The following DRICH1 variants were observed in gnomAD, a reference collection of about 807,000 sequenced individuals.
The protein encoded by DRICH1 is aspartate rich 1.
Under a neutral mutation model 39.5 loss-of-function variants are expected in DRICH1, and 38 were observed. That is an observed-to-expected ratio of 0.96 (90% CI 0.74 to 1.26). The LOEUF (loss-of-function observed/expected upper bound fraction) is 1.26. DRICH1 is among the 50% of genes most tolerant of loss of function. The probability of loss-of-function intolerance (pLI) is 0.00; values close to 1 mark genes in which losing one functional copy is unlikely to be tolerated. For missense variants in DRICH1, 279 were observed against 270.4 expected (o/e 1.03, Z -0.22); for synonymous variants, 84 against 99.5 (o/e 0.84, Z 0.93).
chr22:23,599,280 T>C, the DRICH1 span, among the ~76,000 whole-genome samples: 2 of 152,196 alleles, frequency 1.3e-5, no homozygotes, highest in Non-Finnish European at 2.9e-5. Flanking sequence ...CCCAGCCCAG[T>C]GTGCGTGTTC....
chr22:23,604,326 G>A (rs982530164), downstream of DRICH1, among the ~76,000 whole-genome samples: 3 of 152,118 alleles, frequency 2.0e-5, no homozygotes, highest in Non-Finnish European at 4.4e-5. Flanking sequence ...GGAGTCCCCT[G>A]CCAGGTGTCC....
downstream of DRICH1, among the ~76,000 whole-genome samples, chr22:23,607,514 G>A (rs1238193395): frequency 1.4e-5 from 2 of 144,080 alleles, no homozygotes; most frequent in Admixed American, 7.0e-5. Flanking sequence ...CTTGGCCGTG[G>A]CCATGTCCTC....
the DRICH1 span, among the ~76,000 whole-genome samples, chr22:23,588,130 T>C: frequency 2.0e-5 from 3 of 152,148 alleles, no homozygotes; most frequent in Admixed American, 2.0e-4. Flanking sequence ...CTGGTTTTCT[T>C]TTTTTCTTTG....
At position 23,608,663 on chromosome 22, in the gene DRICH1, T is replaced by C; in HGVS notation, c.*101A>G. 2 of 1,167,784 alleles carry C rather than the reference T, an allele frequency of 1.7e-6. No individual in the cohort carries two copies. Among genetic ancestry groups the C allele is most frequent in the Admixed American group, 2.0e-5 (1 of 49,976 alleles). The allele number at this position is 1,167,784 out of a possible 1,614,324, so 72.3% of individuals were successfully genotyped here. ...CTGGGACCAAGAGTTTTCCTCAGAA[T>C]GTAGAGAGGATTGAGACCTCCAGGG... On this transcript the variant is annotated 3_prime_UTR_variant, in exon 12 of 12. Transcript: ENST00000317749.
chr22:23,612,637 A>G (rs900017101), intron 11 of DRICH1, among the ~76,000 whole-genome samples: 36 of 152,130 alleles, frequency 2.4e-4, no homozygotes, highest in African/African-American at 8.5e-4. Flanking sequence ...AAGAAGCCAC[A>G]TCTCAGAATC....
intron 8 of DRICH1, among the ~76,000 whole-genome samples, chr22:23,615,526 G>A (rs1927305474): frequency 6.6e-6 from 1 of 152,160 alleles, no homozygotes; most frequent in African/African-American, 2.4e-5. Context: ...ACAAATAAGT[G>A]GAAAGGCATC....
intron 3 of DRICH1, among the ~76,000 whole-genome samples, chr22:23,624,641 C>G (rs1374617734): frequency 4.6e-5 from 7 of 152,122 alleles, no homozygotes; most frequent in African/African-American, 1.7e-4. Context: ...CAGGATAAGT[C>G]AGTGAGAGGT....
At chr22:23,624,147 G>A (rs1927925329) in intron 3 of DRICH1, 1 of 984,978 alleles carries the variant, frequency 1.0e-6, no homozygotes, top group East Asian at 1.1e-4. Context: ...GTGCTGCCAT[G>A]AAACCTAACA....
chr22:23,621,125 G>A (rs892122822), intron 4 of DRICH1, among the ~76,000 whole-genome samples: 2 of 152,122 alleles, frequency 1.3e-5, no homozygotes, highest in African/African-American at 2.4e-5. Context: ...AACACAATCT[G>A]CCTTGAACTG....
intron 1 of DRICH1, among the ~76,000 whole-genome samples, chr22:23,630,297 C>T (rs756072419): frequency 9.9e-5 from 15 of 152,160 alleles, no homozygotes; most frequent in African/African-American, 2.2e-4. Context: ...TCATATATCA[C>T]GGTGGAGTGA....
intron 1 of DRICH1, among the ~76,000 whole-genome samples, chr22:23,628,944 G>A (rs1225871612): frequency 1.3e-5 from 2 of 152,220 alleles, no homozygotes; most frequent in African/African-American, 4.8e-5. Context: ...AGACAGGAAG[G>A]CCAGGTCCTG....
chr22:23,606,462 T>C (rs1926736823), downstream of DRICH1, among the ~76,000 whole-genome samples: 1 of 152,034 alleles, frequency 6.6e-6, no homozygotes, highest in South Asian at 2.1e-4. Context: ...GCCTATGGCT[T>C]CCCATTGGCG....
At chr22:23,619,787 T>C (rs539158233) in intron 5 of DRICH1, among the ~76,000 whole-genome samples, 1 of 151,946 alleles carries the variant, frequency 6.6e-6, no homozygotes, top group South Asian at 2.1e-4. Flanking sequence ...GAGCCCAGAG[T>C]GAATTTTCAT....
intron 11 of DRICH1, among the ~76,000 whole-genome samples, chr22:23,612,596 T>C (rs1456059499): frequency 6.6e-6 from 1 of 152,174 alleles, no homozygotes; most frequent in Non-Finnish European, 1.5e-5. Flanking sequence ...AAGGAACTTT[T>C]GGCTTCCCAA....
the DRICH1 span, among the ~76,000 whole-genome samples, chr22:23,599,898 G>A: frequency 0.053 from 8,129 of 152,174 alleles, 376 homozygotes; most frequent in African/African-American, 0.12. Flanking sequence ...CTTCTCCCAC[G>A]GTGCATGATC....
chr22:23,621,062 T>C (rs1927697587), intron 4 of DRICH1, among the ~76,000 whole-genome samples: 1 of 152,138 alleles, frequency 6.6e-6, no homozygotes, highest in African/African-American at 2.4e-5. Context: ...CAAGATTAAT[T>C]GAGAAGGAAA....
the DRICH1 span, among the ~76,000 whole-genome samples, chr22:23,595,958 T>TGC: frequency 6.6e-6 from 1 of 152,174 alleles, no homozygotes; most frequent in Non-Finnish European, 1.5e-5. Flanking sequence ...AAACACATCA[T>TGC]CTTACATCCC....
At chr22:23,615,116 GTAATCCC>G (rs1386374006) in intron 8 of DRICH1, among the ~76,000 whole-genome samples, 2 of 152,190 alleles carry the variant, frequency 1.3e-5, no homozygotes, top group Admixed American at 6.5e-5. Context: ...GCTCAGACCT[GTAATCCC>G]AGCAGTTTGG....
the DRICH1 span, among the ~76,000 whole-genome samples, chr22:23,591,201 T>C: frequency 6.6e-6 from 1 of 152,152 alleles, no homozygotes; most frequent in Non-Finnish European, 1.5e-5. Flanking sequence ...TGCGGAATGG[T>C]TGAGGCAAAA....
Sources: allele counts gnomAD v4.1 joint callset (sites outside exome capture counted in the v4.1 genomes callset), GRCh38; gene constraint gnomAD v4.1.1; transcripts MANE v1.5; gene names NCBI Gene and HGNC (gene_info 2026-07-23, HGNC 2026-07-21).